PRR16: variants seen among roughly 807,000 people sequenced by gnomAD.
PRR16 encodes proline rich 16.
A neutral mutation model predicts 18.2 loss-of-function variants in PRR16; 6 were observed. The ratio of observed to expected loss-of-function variants is 0.33; its 90% confidence interval spans 0.18 to 0.65. The LOEUF is 0.65. Among genes scored for constraint, PRR16 ranks in the 30% least tolerant of loss-of-function variants. PRR16 has a pLI of 0.74. For synonymous variants in PRR16, 151 were observed against 147.8 expected (o/e 1.02, Z -0.16); for missense variants, 412 against 376.6 (o/e 1.09, Z -0.78).
intron 1 of PRR16, among the ~76,000 whole-genome samples, chr5:120,629,032 C>G (rs1484033874): frequency 6.6e-6 from 1 of 151,954 alleles, no homozygotes; most frequent in African/African-American, 2.4e-5. Flanking sequence ...TCACCTTTCT[C>G]CCACTCTCCA....
chr5:120,527,203 CA>C (rs1751402520), intron 1 of PRR16, among the ~76,000 whole-genome samples: 2 of 152,250 alleles, frequency 1.3e-5, no homozygotes, highest in South Asian at 4.1e-4. Flanking sequence ...GTATAACAAA[CA>C]AATTTCCACA....
intron 1 of PRR16, among the ~76,000 whole-genome samples, chr5:120,626,818 A>T (rs1438043250): frequency 6.6e-6 from 1 of 152,170 alleles, no homozygotes; most frequent in African/African-American, 2.4e-5. Flanking sequence ...TAAAAAATAA[A>T]TTGGCAATAA....
intron 1 of PRR16, among the ~76,000 whole-genome samples, chr5:120,608,803 G>T (rs1229239029): frequency 6.6e-6 from 1 of 152,044 alleles, no homozygotes; most frequent in Non-Finnish European, 1.5e-5. Flanking sequence ...GGTTCTATTT[G>T]TATTTTGACC....
chr5:120,713,554 G>C, the PRR16 span, among the ~76,000 whole-genome samples: 1 of 152,114 alleles, frequency 6.6e-6, no homozygotes, highest in African/African-American at 2.4e-5. Context: ...GAAAATTTGT[G>C]AAGTTTTAAT....
chr5:120,692,218 G>A (rs1180651540), downstream of PRR16, among the ~76,000 whole-genome samples: 1 of 152,180 alleles, frequency 6.6e-6, no homozygotes, highest in African/African-American at 2.4e-5. Flanking sequence ...AAAAATAAAC[G>A]TATTTCTGTG....
the PRR16 span, among the ~76,000 whole-genome samples, chr5:120,778,485 G>GTCTT: frequency 6.6e-6 from 1 of 152,104 alleles, no homozygotes; most frequent in African/African-American, 2.4e-5. Context: ...TATTTCTAAT[G>GTCTT]TCTTTTGAGT....
intron 1 of PRR16, among the ~76,000 whole-genome samples, chr5:120,482,069 T>C (rs1749635939): frequency 6.6e-6 from 1 of 152,124 alleles, no homozygotes; most frequent in African/African-American, 2.4e-5. Flanking sequence ...AATGAAAAAT[T>C]TGTCACCTTT....
chr5:120,772,515 C>G, the PRR16 span, among the ~76,000 whole-genome samples: 1 of 151,890 alleles, frequency 6.6e-6, no homozygotes, highest in African/African-American at 2.4e-5. Flanking sequence ...TATTAATAAA[C>G]TCAATATTTC....
chr5:120,679,211 C>A (rs941101876), intron 1 of PRR16, among the ~76,000 whole-genome samples: 1 of 152,122 alleles, frequency 6.6e-6, no homozygotes, highest in Non-Finnish European at 1.5e-5. Flanking sequence ...ACCCAAATAA[C>A]CACAATTATT....
At chr5:120,707,434 T>A in the PRR16 span, among the ~76,000 whole-genome samples, 1 of 152,182 alleles carries the variant, frequency 6.6e-6, no homozygotes, top group African/African-American at 2.4e-5. Context: ...TTCTAGATAC[T>A]TTTGGAGAAA....
the PRR16 span, among the ~76,000 whole-genome samples, chr5:120,791,628 C>CATCT: frequency 1.9e-4 from 22 of 116,278 alleles, no homozygotes; most frequent in African/African-American, 7.2e-4. Context: ...TCTATCCATC[C>CATCT]ATCTATCATC....
intron 1 of PRR16, among the ~76,000 whole-genome samples, chr5:120,625,499 A>T (rs963013568): frequency 6.6e-6 from 1 of 152,062 alleles, no homozygotes; most frequent in African/African-American, 2.4e-5. Flanking sequence ...CACCATGCCC[A>T]GCTAATCTTT....
At chr5:120,632,397 A>G (rs1277763079) in intron 1 of PRR16, among the ~76,000 whole-genome samples, 5 of 152,196 alleles carry the variant, frequency 3.3e-5, no homozygotes, top group Admixed American at 3.3e-4. Context: ...AATTTCCAGA[A>G]AAAGAATTCA....
chr5:120,566,691 A>C (rs776172060), intron 1 of PRR16, among the ~76,000 whole-genome samples: 1 of 152,230 alleles, frequency 6.6e-6, no homozygotes, highest in Non-Finnish European at 1.5e-5. Context: ...TGTACACACT[A>C]TAAAATTTAA....
chr5:120,674,260 G>T (rs560530963), intron 1 of PRR16, among the ~76,000 whole-genome samples: 1 of 151,820 alleles, frequency 6.6e-6, no homozygotes, highest in Non-Finnish European at 1.5e-5. Flanking sequence ...CCCCCTGCCC[G>T]CCCTCCAAAA....
At chr5:120,497,857 T>C (rs993905721) in intron 1 of PRR16, among the ~76,000 whole-genome samples, 36 of 151,670 alleles carry the variant, frequency 2.4e-4, no homozygotes, top group African/African-American at 8.2e-4. Flanking sequence ...CTAATATTAA[T>C]ATAGTCACTC....
chr5:120,634,706 G>A (rs868559277), intron 1 of PRR16, among the ~76,000 whole-genome samples: 2 of 152,040 alleles, frequency 1.3e-5, no homozygotes, highest in African/African-American at 2.4e-5. Flanking sequence ...CATGAAATTG[G>A]AGAAACAAGA....
chr5:120,518,510 C>G (rs1481128520), intron 1 of PRR16, among the ~76,000 whole-genome samples: 1 of 151,832 alleles, frequency 6.6e-6, no homozygotes, highest in African/African-American at 2.4e-5. Context: ...AGCTTGTTTA[C>G]CTTCAGAGAA....
At chr5:120,692,621 A>G in the PRR16 span, among the ~76,000 whole-genome samples, 189 of 152,340 alleles carry the variant, frequency 1.2e-3, no homozygotes, top group African/African-American at 4.2e-3. Flanking sequence ...AGTCATACCC[A>G]TCACAGTTTC....
Sources: allele counts gnomAD v4.1 joint callset (sites outside exome capture counted in the v4.1 genomes callset), GRCh38; gene constraint gnomAD v4.1.1; transcripts MANE v1.5; gene names NCBI Gene and HGNC (gene_info 2026-07-23, HGNC 2026-07-21).